Variants in RNF213 observed in about 807,000 individuals in gnomAD.
RNF213 encodes E3 ubiquitin-protein ligase RNF213.
In RNF213, 341 loss-of-function variants were observed where a neutral mutation model predicts 514.4. The ratio of observed to expected loss-of-function variants is 0.66; its 90% CI spans 0.61 to 0.73. RNF213 has a LOEUF of 0.73. RNF213 is among the 30% of genes least tolerant of loss of function. The probability of loss-of-function intolerance (pLI) is 0.00; values close to 1 mark genes in which losing one functional copy is unlikely to be tolerated. For synonymous variants in RNF213, 2,655 were observed against 2,658.2 expected, an observed-to-expected ratio of 1.00 and a Z score of 0.04; for missense variants, 5,767 against 6,615.6, an observed-to-expected ratio of 0.87 and a Z score of 4.45.
chr17:80,388,611 G>A lies in RNF213; in HGVS notation c.14923-1G>A. On this transcript the variant is annotated splice_acceptor_variant, in intron 63 of 67. Coordinates refer to ENST00000582970, the MANE Select transcript of RNF213 (RefSeq NM_001256071.3). LOFTEE classifies it high-confidence loss of function. ...AAAAACTTTTTTCTTTCCCAATTTAGGGAATACCCACTCTGGTGTACAGAC... is the reference window on the plus strand; with the variant it reads ...AAAAACTTTTTTCTTTCCCAATTTAAGGAATACCCACTCTGGTGTACAGAC... 6.2e-7 allele frequency: 1 copy of A among 1,604,638 alleles called. No individual in the cohort carries two copies. The highest frequency in any genetic ancestry group is 1.3e-5 in the African/African-American group (1 of 74,862).
intron 63 of RNF213, 129 bp from the exon 64 acceptor site, chr17:80,388,482 CT>C: frequency 6.7e-6 from 5 of 751,166 alleles, no homozygotes; most frequent in South Asian, 4.2e-5. Flanking sequence ...GAGGGGCGCT[CT>C]TAGCCAAGGG....
Position 80,288,790 on chromosome 17 carries a change from C to G in RNF213, c.933+35C>G. On this transcript the variant is annotated intron_variant, in intron 5 of 67. Coordinates refer to ENST00000582970, the MANE Select transcript of RNF213 (RefSeq NM_001256071.3). The surrounding 1 kb of genome is among the most constrained non-coding windows in gnomAD (Gnocchi z 4.9). ...CTTCCTGCCTGCCGGCTCCAGGAGG[C>G]CCTCTCCTGCCCACGGCTGCGCCTC... 1 of 1,613,660 alleles carries G rather than the reference C, an allele frequency of 6.2e-7. No individual in the cohort carries two copies. Among genetic ancestry groups the G allele is most frequent in the Non-Finnish European group, 8.5e-7 (1 of 1,179,986 alleles).
rs540150231 is a variant in RNF213 at position 80,275,963 on chromosome 17, GT to G, written c.261+2570del. 6.7e-3 allele frequency among the ~76,000 whole-genome samples: 961 copies of G among 144,372 alleles called. 4 individuals carry two copies. The highest frequency in any genetic ancestry group is 0.01 in the Non-Finnish European group (679 of 65,362). The allele number at this position is 144,372 out of a possible 152,430, so 94.7% of individuals were successfully genotyped here. A position where few individuals can be genotyped will look rare whatever the true frequency, so the allele number is the denominator to read the frequency against. ...AGGCGTGAGCCACCATGCCTGGCCAGTTTTTTTTTTTCTTTTTTCTTTTCCA... is the reference window on the plus strand; with the variant it reads ...AGGCGTGAGCCACCATGCCTGGCCAGTTTTTTTTTTCTTTTTTCTTTTCCA... On this transcript the variant is annotated intron_variant, in intron 3 of 67. Transcript: ENST00000582970.
intron 3 of RNF213, among the ~76,000 whole-genome samples, chr17:80,274,960 G>T (rs2043992893): frequency 1.4e-5 from 1 of 74,034 alleles, no homozygotes. Context: ...TGGGGGGTGT[G>T]TGTGTTGGGG....
Position 80,354,437 on chromosome 17 carries a change from A to G in RNF213, c.10727-4A>G, listed in dbSNP as rs116007874. 2.9e-3 allele frequency: 4,757 copies of G among 1,614,200 alleles called. 125 individuals are homozygous for G. The African/African-American group carries it at 0.05, about 17-fold the overall frequency. ...GCTGAACGTCTGTTTCTGCCTTTGT[A>G]CAGCCTCTTTCTTGCGGGTATCCAA... On this transcript the variant is annotated splice_polypyrimidine_tract_variant and splice_region_variant and intron_variant, in intron 35 of 67. Transcript: ENST00000582970.
At position 80,368,089 on chromosome 17, in the gene RNF213, A is replaced by G. The variant is rs745514409; in HGVS notation, c.12101A>G (p.Tyr4034Cys). ...GCCTCAGAGCAGATGATATGCCCCT[A>G]CTGTTTAACTGCCTTGCCAGACGAA... Reference protein sequence around the residue: ...WFASEQMICPYCLTALPDEFS... With the variant: ...WFASEQMICPCCLTALPDEFS... Residue 4034 changes from tyrosine (Y) to cysteine (C), a missense_variant, in exon 44 of 68, where the codon TAC (tyrosine) becomes TGC (cysteine). By Grantham distance (194) the Tyr-to-Cys change is radical. Transcript: ENST00000582970. The G allele has an allele frequency of 1.9e-6, 3 of 1,614,248 alleles. No homozygotes were observed. The highest frequency in any genetic ancestry group is 8.5e-7 in the Non-Finnish European group (1 of 1,180,040).
intron 36 of RNF213, chr17:80,355,037 T>C (rs1461448134): frequency 5.6e-6 from 2 of 360,264 alleles, no homozygotes; most frequent in Admixed American, 3.7e-5. Flanking sequence ...CTGTCACCCA[T>C]GAGACTAACC....
Position 80,328,330 on chromosome 17 carries a change from GAA to G in RNF213, c.3375_3376del (p.Leu1127PhefsTer5). ...TTATTGGTGTTCTTATTTTCCAGGGGAAAAAAGTCTTTCACCCCAGGATGAAC... is the reference window on the plus strand; with the variant it reads ...TTATTGGTGTTCTTATTTTCCAGGGGAAAAGTCTTTCACCCCAGGATGAAC... Reference protein sequence around the residue: ...NQFLDIWQLREKSLSPQDEQC... With the variant: ...NQFLDIWQLRXKSLSPQDEQC... On this transcript the variant is annotated frameshift_variant, in exon 20 of 68. Coordinates refer to ENST00000582970, the MANE Select transcript of RNF213 (RefSeq NM_001256071.3). LOFTEE classifies it high-confidence loss of function. 6.5e-7 allele frequency: 1 copy of G among 1,534,666 alleles called. No homozygotes were observed. The highest frequency in any genetic ancestry group is 8.7e-7 in the Non-Finnish European group (1 of 1,145,486).
At chr17:80,380,757 C>G in intron 55 of RNF213, 74 bp from the exon 56 acceptor site, 1 of 1,551,254 alleles carries the variant, frequency 6.4e-7, no homozygotes, top group Non-Finnish European at 8.9e-7. Flanking sequence ...AGCCTCACTC[C>G]AAGTGCTGAG....
chr17:80,364,716 C>A, intron 42 of RNF213, 163 bp downstream of exon 42: 1 of 783,292 alleles, frequency 1.3e-6, no homozygotes, highest in Non-Finnish European at 2.1e-6. Context: ...ATTACATTTT[C>A]CATGTTTAAT....
intron 65 of RNF213, 69 bp downstream of exon 65, chr17:80,389,436 AG>A: frequency 7.2e-7 from 1 of 1,395,518 alleles, no homozygotes; most frequent in South Asian, 1.2e-5. Context: ...CGCGAGGGAT[AG>A]GAGCATTCAG....
rs575064991 is a variant in RNF213, at chr17:80,345,220, G to A, written c.6885G>A (p.Arg2295=). The change falls in exon 29 of 68, where the codon CGG becomes CGA. Residue 2295 remains arginine, a synonymous_variant. Transcript: ENST00000582970. This position sits in a 1 kb window ranked among gnomAD's most constrained non-coding sequence, Gnocchi z 6.0. ...REEDLAPFSL[R]KRWESEPHPY... ...AAGATCTAGCGCCCTTCTCCCTCCG[G>A]AAGAGGTGGGAGTCGGAGCCTCACC... 9.3e-6 allele frequency: 15 copies of A among 1,614,128 alleles called. No individual in the cohort carries two copies. In the Admixed American group the frequency reaches 1.0e-4, roughly 11 times the overall value.
At position 80,372,729 on chromosome 17, in the gene RNF213, G is replaced by A; in HGVS notation, c.12746G>A (p.Gly4249Asp). Residue 4249 changes from glycine (G) to aspartate (D), a missense_variant, in exon 48 of 68, where the codon GGC (glycine) becomes GAC (aspartate). By Grantham distance (94) the Gly-to-Asp change is moderately conservative. Around this residue, in one of 13 missense-constraint regions of RNF213, gnomAD observed 1,245 missense variants for 1,339.0 expected, o/e 0.93. Transcript: ENST00000582970. The part of the protein sequence containing the change: ...AADFLSEPEG[G>D]PEMAKEKQCY... Reference sequence around the variant, plus strand: ...GATTTCCTCTCGGAGCCTGAGGGAGGCCCAGGCAAGTCTTCTCTGCCTTGC... The same window carrying A: ...GATTTCCTCTCGGAGCCTGAGGGAGACCCAGGCAAGTCTTCTCTGCCTTGC... 1 of 1,613,154 alleles carries A rather than the reference G, an allele frequency of 6.2e-7. No individual in the cohort carries two copies. Among genetic ancestry groups the A allele is most frequent in the South Asian group, 1.1e-5 (1 of 91,056 alleles).
intron 6 of RNF213, 68 bp downstream of exon 6, chr17:80,289,905 C>T: frequency 6.8e-7 from 1 of 1,476,164 alleles, no homozygotes; most frequent in Non-Finnish European, 9.3e-7. Flanking sequence ...TCTCCCTGCA[C>T]AACTCTCAGG....
chr17:80,383,975 C>G, intron 59 of RNF213, 47 bp downstream of exon 59: 1 of 1,612,238 alleles, frequency 6.2e-7, no homozygotes, highest in Non-Finnish European at 8.5e-7. Flanking sequence ...GTGCAGAGTT[C>G]CCCAGCAGGC....
At chr17:80,298,276 T>C in intron 10 of RNF213, 45 bp from the exon 11 acceptor site, 1 of 1,602,820 alleles carries the variant, frequency 6.2e-7, no homozygotes, top group South Asian at 1.1e-5. Context: ...GGGAGATGAC[T>C]CCCTGGCCAG....
chr17:80,319,736 T>C, intron 17 of RNF213: 1 of 1,385,134 alleles, frequency 7.2e-7, no homozygotes, highest in Non-Finnish European at 9.4e-7. Context: ...GAAAATTGTA[T>C]CAATTTATTT....
Position 80,397,139 on chromosome 17 carries a change from A to C in RNF213, c.*3641A>C, listed in dbSNP as rs1599237829. On this transcript the variant is annotated 3_prime_UTR_variant, in exon 68 of 68. Transcript: ENST00000582970. ...CGCCACAGGTCCATGAGTGACTCCTAATTACCAAATCCAAGGGCTCCTTCA... is the reference window on the plus strand; with the variant it reads ...CGCCACAGGTCCATGAGTGACTCCTCATTACCAAATCCAAGGGCTCCTTCA... 2 of 152,384 alleles carry C rather than the reference A, an allele frequency of 1.3e-5. No homozygotes were observed. The highest frequency in any genetic ancestry group is 4.8e-5 in the African/African-American group (2 of 41,404). 9.4% of individuals were successfully genotyped at this position (152,384 alleles called of 1,614,324 possible).
chr17:80,350,444 G>A, intron 31 of RNF213, 48 bp downstream of exon 31: 2 of 1,220,652 alleles, frequency 1.6e-6, no homozygotes, highest in Non-Finnish European at 2.4e-6. Flanking sequence ...AACCCAAAAC[G>A]TAGGAAGTCC....
Sources: gnomAD v4.1 joint callset for allele counts (sites outside exome capture counted in the v4.1 genomes callset) on GRCh38, gnomAD v4.1.1 for gene constraint, gnomAD v4.1.1 regional missense constraint, Gnocchi (gnomAD v3.1) non-coding constraint, MANE v1.5 for transcripts, NCBI Gene and HGNC (gene_info 2026-07-23, HGNC 2026-07-21) for gene names.